PCDH15: variants seen among roughly 807,000 people sequenced by gnomAD.
PCDH15 encodes protocadherin-15.
In PCDH15, 129 loss-of-function variants were observed where a neutral mutation model predicts 178.5. That is an observed-to-expected ratio of 0.72 (90% CI 0.63 to 0.84). PCDH15 has a LOEUF of 0.84. Ranked by LOEUF, PCDH15 falls within the 40% of genes least tolerant of loss-of-function variation. PCDH15 has a pLI of 0.00. For synonymous variants in PCDH15, 800 were observed against 732.0 expected (o/e 1.09, Z -1.50); for missense variants, 2,230 against 2,099.9 (o/e 1.06, Z -1.21).
At chr10:55,435,410 A>G (rs1839015473) in intron 2 of PCDH15, among the ~76,000 whole-genome samples, 2 of 152,192 alleles carry the variant, frequency 1.3e-5, no homozygotes, top group South Asian at 4.1e-4. Flanking sequence ...CAAATAGTTA[A>G]TTAAATAATT....
intron 2 of PCDH15, among the ~76,000 whole-genome samples, chr10:54,975,263 A>T (rs934810449): frequency 6.6e-6 from 1 of 152,050 alleles, no homozygotes; most frequent in Non-Finnish European, 1.5e-5. Context: ...TCTTGAGGTC[A>T]CTCCTTGATA....
intron 2 of PCDH15, among the ~76,000 whole-genome samples, chr10:55,460,348 G>A (rs1839647922): frequency 6.6e-6 from 1 of 151,852 alleles, no homozygotes; most frequent in East Asian, 1.9e-4. Flanking sequence ...AATGTAGTAG[G>A]CACTATACTA....
intron 2 of PCDH15, among the ~76,000 whole-genome samples, chr10:54,570,944 G>T (rs2089754305): frequency 6.6e-6 from 1 of 151,880 alleles, no homozygotes; most frequent in South Asian, 2.1e-4. Flanking sequence ...GGGATTACAG[G>T]TGTGAGCCAC....
chr10:54,630,569 G>A (rs1473983823), intron 2 of PCDH15, among the ~76,000 whole-genome samples: 1 of 152,100 alleles, frequency 6.6e-6, no homozygotes, highest in Non-Finnish European at 1.5e-5. Context: ...CTAGGACATG[G>A]CATTCTGGAC....
chr10:54,364,851 T>C (rs1946571754), intron 5 of PCDH15, among the ~76,000 whole-genome samples: 1 of 152,148 alleles, frequency 6.6e-6, no homozygotes, highest in African/African-American at 2.4e-5. Flanking sequence ...GATTATTGGC[T>C]GTATTTATTT....
intron 2 of PCDH15, among the ~76,000 whole-genome samples, chr10:54,560,421 A>G (rs900717301): frequency 2.0e-5 from 3 of 151,974 alleles, no homozygotes; most frequent in Non-Finnish European, 4.4e-5. Context: ...ATATCAAATT[A>G]TTTTCCTCTT....
intron 2 of PCDH15, among the ~76,000 whole-genome samples, chr10:55,602,782 T>C (rs1028598550): frequency 1.3e-5 from 2 of 151,872 alleles, no homozygotes; most frequent in African/African-American, 2.4e-5. Context: ...ACCACAAAGA[T>C]GGGGAAAAAA....
intron 2 of PCDH15, among the ~76,000 whole-genome samples, chr10:55,357,025 G>A (rs1439898472): frequency 1.3e-5 from 2 of 151,934 alleles, no homozygotes; most frequent in African/African-American, 4.8e-5. Context: ...ATATGTTAAA[G>A]ATTAGAGAAA....
chr10:54,281,267 ATATAT>A (rs980538202), intron 8 of PCDH15, among the ~76,000 whole-genome samples: 1 of 151,936 alleles, frequency 6.6e-6, no homozygotes, highest in African/African-American at 2.4e-5. Flanking sequence ...TATGGCATCT[ATATAT>A]TATATTTCCC....
intron 2 of PCDH15, among the ~76,000 whole-genome samples, chr10:55,478,640 T>C (rs907023200): frequency 6.7e-6 from 1 of 150,076 alleles, no homozygotes; most frequent in Non-Finnish European, 1.5e-5. Context: ...AGGAAATAAA[T>C]AATAAAGATT....
intron 2 of PCDH15, among the ~76,000 whole-genome samples, chr10:55,025,174 T>C (rs929011969): frequency 6.6e-6 from 1 of 152,194 alleles, no homozygotes; most frequent in Non-Finnish European, 1.5e-5. Context: ...TGACTGTATA[T>C]GTGTGTTGAG....
intron 2 of PCDH15, among the ~76,000 whole-genome samples, chr10:55,102,087 A>C (rs1175606701): frequency 6.6e-6 from 1 of 151,856 alleles, no homozygotes. Context: ...TTTATTGTAC[A>C]TTGCTTTTTA....
intron 9 of PCDH15, among the ~76,000 whole-genome samples, chr10:54,227,328 T>C (rs1249115522): frequency 6.6e-6 from 1 of 152,230 alleles, no homozygotes. Flanking sequence ...ACAGGCTCAA[T>C]ACTTTGTGGA....
chr10:54,871,665 T>A (rs941841665), intron 3 of PCDH15, among the ~76,000 whole-genome samples: 11 of 152,220 alleles, frequency 7.2e-5, no homozygotes, highest in African/African-American at 2.4e-4. Flanking sequence ...ATCTATTAGG[T>A]TAGGTTGATT....
chr10:54,176,474 C>T (rs748447088), intron 13 of PCDH15, among the ~76,000 whole-genome samples: 1 of 152,114 alleles, frequency 6.6e-6, no homozygotes, highest in Admixed American at 6.6e-5. Flanking sequence ...CCTGAGAGAG[C>T]TCTCAATAGT....
intron 3 of PCDH15, among the ~76,000 whole-genome samples, chr10:54,520,343 C>T (rs1249279566): frequency 6.6e-6 from 1 of 152,028 alleles, no homozygotes; most frequent in African/African-American, 2.4e-5. Context: ...CCAGAATCTA[C>T]AATGAACTCA....
chr10:55,308,510 C>A (rs1843489607), intron 1 of PCDH15, among the ~76,000 whole-genome samples: 1 of 152,150 alleles, frequency 6.6e-6, no homozygotes, highest in Non-Finnish European at 1.5e-5. Flanking sequence ...AGTGCCTTAC[C>A]TATAAGCACA....
chr10:55,335,292 G>A (rs1459521220), intron 2 of PCDH15, among the ~76,000 whole-genome samples: 2 of 152,104 alleles, frequency 1.3e-5, no homozygotes, highest in African/African-American at 2.4e-5. Context: ...GGGGAGGGCA[G>A]GTGAAAAAGT....
chr10:54,750,144 A>G lies in PCDH15; in HGVS notation c.-29+50781T>C, dbSNP rs201070095. On this transcript the variant is annotated intron_variant, in intron 1 of 37. Coordinates refer to ENST00000644397, the MANE Select transcript of PCDH15 (RefSeq NM_001384140.1). ...CTCTTTCTTCCAGTTTCCTTTATTT[A>G]ACAGCAAGTTAAAAATGCAGTTGGA... Among the ~76,000 whole-genome samples the G allele has an allele frequency of 5.3e-5, 8 of 152,044 alleles. No individual in the cohort carries two copies. In the East Asian group the frequency reaches 1.6e-3, roughly 29 times the overall value.
Sources: gnomAD v4.1 joint callset for allele counts (sites outside exome capture counted in the v4.1 genomes callset) on GRCh38, gnomAD v4.1.1 for gene constraint, MANE v1.5 for transcripts, NCBI Gene and HGNC (gene_info 2026-07-23, HGNC 2026-07-21) for gene names.